SLC25A16: variants seen among roughly 807,000 people sequenced by gnomAD.
SLC25A16 encodes solute carrier family 25 member 16.
Under a neutral mutation model 41.5 loss-of-function variants are expected in SLC25A16, and 39 were observed. The ratio of observed to expected loss-of-function variants is 0.94; its 90% CI spans 0.73 to 1.23. The LOEUF (loss-of-function observed/expected upper bound fraction) is 1.23. SLC25A16 is among the 50% of genes most tolerant of loss of function. The pLI, the probability that SLC25A16 is intolerant of heterozygous loss-of-function variation, is 0.00. For missense variants in SLC25A16, 421 were observed against 426.9 expected (o/e 0.99, Z 0.12); for synonymous variants, 146 against 147.8 (o/e 0.99, Z 0.09).
chr10:68,491,956 G>A (rs544197627), intron 6 of SLC25A16, among the ~76,000 whole-genome samples: 126 of 152,136 alleles, frequency 8.3e-4, no homozygotes, highest in Middle Eastern at 6.8e-3. Context: ...AACCTCCTGA[G>A]TAGCTGGGAT....
rs140526910 is a variant in SLC25A16, at chr10:68,523,085, C to T, written c.130+4161G>A. On this transcript the variant is annotated intron_variant, in intron 1 of 8. Transcript: ENST00000609923. The stretch of plus-strand genomic sequence containing the variant: ...AAAGTGCATTTAACTTAGCCAACAA[C>T]GATAGCTCTTTTTATTCCCCCTTTC... Among the ~76,000 whole-genome samples the T allele has an allele frequency of 2.7e-3, 408 of 152,290 alleles. 4 individuals carry two copies. The highest frequency in any genetic ancestry group is 9.2e-3 in the African/African-American group (383 of 41,570).
chr10:68,499,737 C>G (rs1375652460), intron 4 of SLC25A16: 1 of 393,048 alleles, frequency 2.5e-6, no homozygotes, highest in Non-Finnish European at 5.0e-6. Context: ...AGCAAATTGG[C>G]AAAGTAGTCC....
chr10:68,514,555 T>A (rs2053126817), intron 2 of SLC25A16, among the ~76,000 whole-genome samples: 2 of 152,152 alleles, frequency 1.3e-5, no homozygotes, highest in African/African-American at 2.4e-5. Flanking sequence ...CACATTTCTG[T>A]TTACTTCCTT....
At chr10:68,484,472 G>C (rs1173104278) in intron 8 of SLC25A16, among the ~76,000 whole-genome samples, 7 of 148,232 alleles carry the variant, frequency 4.7e-5, no homozygotes, top group Non-Finnish European at 5.9e-5. Flanking sequence ...CTGTTGCCTA[G>C]GCTGGAGTGC....
intron 4 of SLC25A16, 42 bp downstream of exon 4, chr10:68,503,590 A>C: frequency 7.8e-7 from 1 of 1,274,218 alleles, no homozygotes; most frequent in Admixed American, 2.0e-5. Context: ...TTTTAATAGA[A>C]AATTAATTTG....
intron 1 of SLC25A16, among the ~76,000 whole-genome samples, chr10:68,522,118 A>C (rs1424572258): frequency 6.6e-6 from 1 of 151,664 alleles, no homozygotes; most frequent in Non-Finnish European, 1.5e-5. Flanking sequence ...AGCTGAGATC[A>C]TGCTGCTGCA....
chr10:68,521,738 C>T (rs980866610), intron 1 of SLC25A16, among the ~76,000 whole-genome samples: 5 of 150,184 alleles, frequency 3.3e-5, no homozygotes, highest in Admixed American at 2.0e-4. Context: ...GGACTACAGG[C>T]GCCCGCCACT....
At chr10:68,512,502 A>G (rs1393898414) in intron 2 of SLC25A16, among the ~76,000 whole-genome samples, 2 of 127,900 alleles carry the variant, frequency 1.6e-5, no homozygotes, top group Non-Finnish European at 1.6e-5. Context: ...AGCCGGGCGT[A>G]GTGGCGGGCG....
intron 2 of SLC25A16, among the ~76,000 whole-genome samples, chr10:68,513,332 C>A (rs543611422): frequency 1.5e-4 from 23 of 150,122 alleles, no homozygotes; most frequent in Non-Finnish European, 3.2e-4. Flanking sequence ...CTGCTTGAAC[C>A]CAGAAGGCAG....
At chr10:68,498,917 A>G (rs796162037) in intron 4 of SLC25A16, among the ~76,000 whole-genome samples, 13 of 152,322 alleles carry the variant, frequency 8.5e-5, no homozygotes, top group African/African-American at 3.1e-4. Context: ...TATTCCCTAC[A>G]TTACAAATGA....
intron 1 of SLC25A16, among the ~76,000 whole-genome samples, 153 bp downstream of exon 1, chr10:68,527,093 A>G (rs556951710): frequency 2.4e-4 from 37 of 152,306 alleles, no homozygotes; most frequent in African/African-American, 8.2e-4. Context: ...AGTGATTACT[A>G]GAAAGAGGTT....
chr10:68,523,398 T>C (rs1451597559), intron 1 of SLC25A16, among the ~76,000 whole-genome samples: 3 of 152,032 alleles, frequency 2.0e-5, no homozygotes, highest in African/African-American at 7.2e-5. Flanking sequence ...CGGCCATAGA[T>C]ATTTTGTTCT....
At chr10:68,523,518 G>C (rs529183014) in intron 1 of SLC25A16, among the ~76,000 whole-genome samples, 1 of 152,214 alleles carries the variant, frequency 6.6e-6, no homozygotes, top group African/African-American at 2.4e-5. Context: ...TGTTGCCCAG[G>C]CTGGAGTGCA....
rs1341004012 is a variant in SLC25A16, at chr10:68,527,318, G to A, written c.58C>T (p.Pro20Ser). 3 of 1,542,920 alleles carry A rather than the reference G, an allele frequency of 1.9e-6. No individual in the cohort carries two copies. Among genetic ancestry groups the A allele is most frequent in the African/African-American group, 1.4e-5 (1 of 71,954 alleles). ...GGCCCTCCGGCCCCTGCCGCCTGCG[G>A]CATTGCGGGAGGGGGATCGGCCGCC... is the stretch of plus-strand genomic sequence containing the variant. ...LAAADPPPAM[P>S]QAAGAGGPTT... Residue 20 changes from proline to serine, a missense_variant, in exon 1 of 9, where the codon CCG becomes TCG. Coordinates refer to ENST00000609923, the MANE Select transcript of SLC25A16 (RefSeq NM_152707.4).
intron 1 of SLC25A16, among the ~76,000 whole-genome samples, chr10:68,525,029 G>A (rs2053314531): frequency 1.3e-5 from 2 of 151,988 alleles, no homozygotes; most frequent in Admixed American, 1.3e-4. Context: ...CCTGGGTGAG[G>A]GAGTGAGACT....
At chr10:68,498,314 TAAC>T in intron 4 of SLC25A16, among the ~76,000 whole-genome samples, 1 of 151,496 alleles carries the variant, frequency 6.6e-6, no homozygotes, top group Non-Finnish European at 1.5e-5. Context: ...TTTTTATTTT[TAAC>T]TTTTTCTTTT....
intron 1 of SLC25A16, chr10:68,518,127 AAAC>A (rs151240202): frequency 0.026 from 3,924 of 152,068 alleles, 172 homozygotes; most frequent in African/African-American, 0.09. Flanking sequence ...GGTCTTTAAA[AAAC>A]AACAAGTCCG....
intron 2 of SLC25A16, among the ~76,000 whole-genome samples, chr10:68,515,922 T>G (rs992408023): frequency 6.6e-6 from 1 of 152,134 alleles, no homozygotes; most frequent in African/African-American, 2.4e-5. Flanking sequence ...ATTCCAAGAT[T>G]TGGGCTAGGA....
chr10:68,506,864 A>T, intron 2 of SLC25A16, 146 bp from the exon 3 acceptor site: 1 of 493,384 alleles, frequency 2.0e-6, no homozygotes. Flanking sequence ...TCTATAAAAC[A>T]GTTAAACCTA....
Sources: gnomAD v4.1 joint callset for allele counts (sites outside exome capture counted in the v4.1 genomes callset) on GRCh38, gnomAD v4.1.1 for gene constraint, MANE v1.5 for transcripts, NCBI Gene and HGNC (gene_info 2026-07-23, HGNC 2026-07-21) for gene names.